The following CCDC154 variants were observed in gnomAD, a reference collection of about 807,000 sequenced individuals.
CCDC154 encodes the protein coiled-coil domain-containing protein 154.
Under a neutral mutation model 87.5 loss-of-function variants are expected in CCDC154, and 91 were observed. That is an observed-to-expected ratio of 1.04 (90% CI 0.88 to 1.24). The LOEUF (loss-of-function observed/expected upper bound fraction) is 1.24. Ranked by LOEUF, CCDC154 falls within the 50% of genes most tolerant of loss-of-function variation. CCDC154 has a pLI of 0.00. For synonymous variants in CCDC154, 418 were observed against 400.4 expected, an observed-to-expected ratio of 1.04 and a Z score of -0.52; for missense variants, 903 against 879.2, an observed-to-expected ratio of 1.03 and a Z score of -0.34.
At chr16:1,435,467 C>T (rs1235324942) in intron 14 of CCDC154, among the ~76,000 whole-genome samples, 1 of 152,184 alleles carries the variant, frequency 6.6e-6, no homozygotes, top group Non-Finnish European at 1.5e-5. Context: ...CTTAGAACTG[C>T]CAGAGGCTGA....
chr16:1,444,040 C>T (rs1463478966), intron 1 of CCDC154, 28 bp from the exon 2 acceptor site: 3 of 1,289,670 alleles, frequency 2.3e-6, no homozygotes, highest in African/African-American at 3.0e-5. Flanking sequence ...GGGAGCTTGC[C>T]CCTTGGGGCC....
chr16:1,436,889 C>G lies in CCDC154; in HGVS notation c.1291-78G>C, dbSNP rs561538198. The stretch of plus-strand genomic sequence containing the variant: ...GATGGAAAGACGGACACGGGGAGCT[C>G]TGGGGAGCAGGCGGCCCCCACCCCC... On this transcript the variant is annotated intron_variant, in intron 11 of 16. Transcript: ENST00000389176. The G allele has an allele frequency of 2.1e-5, 32 of 1,526,450 alleles. No individual in the cohort carries two copies. The African/African-American group carries it at 3.6e-4, about 17-fold the overall frequency. The allele number at this position is 1,526,450 out of a possible 1,614,324, so 94.6% of individuals were successfully genotyped here.
intron 6 of CCDC154, among the ~76,000 whole-genome samples, chr16:1,441,211 G>C (rs1277120265): frequency 6.6e-6 from 1 of 152,220 alleles, no homozygotes; most frequent in Non-Finnish European, 1.5e-5. Flanking sequence ...ACGCCCTCAT[G>C]AGCGGCAGCT....
At chr16:1,439,281 A>G in intron 6 of CCDC154, 155 bp from the exon 7 acceptor site, 1 of 671,066 alleles carries the variant, frequency 1.5e-6, no homozygotes, top group South Asian at 1.9e-5. Flanking sequence ...GCCGGAAGAA[A>G]GCCACGGCGG....
rs1196565936 is a variant in CCDC154 at position 1,438,086 on chromosome 16, C to T, written c.1116G>A (p.Glu372=). Reference sequence around the variant, plus strand: ...CTCCATGCATCTCCTGCCGGGCCAGCTCGCCAGCCAGCTGTGCGGCCTCCA... The same window carrying T: ...CTCCATGCATCTCCTGCCGGGCCAGTTCGCCAGCCAGCTGTGCGGCCTCCA... The part of the protein sequence containing the change: ...ENLEAAQLAG[E]LARQEMHGEL... Residue 372 remains glutamate, a synonymous_variant, in exon 10 of 17, where the codon GAG becomes GAA. Transcript: ENST00000389176. 20 of 1,548,672 alleles carry T rather than the reference C, an allele frequency of 1.3e-5. No individual in the cohort carries two copies. The highest frequency in any genetic ancestry group is 1.7e-4 in the Middle Eastern group (1 of 6,002).
intron 15 of CCDC154, 106 bp downstream of exon 15, chr16:1,434,983 C>T (rs1596202112): frequency 7.0e-7 from 1 of 1,429,306 alleles, no homozygotes; most frequent in Non-Finnish European, 9.4e-7. Flanking sequence ...TGGCCAGACA[C>T]TTGGACAGAC....
intron 6 of CCDC154, among the ~76,000 whole-genome samples, chr16:1,441,478 G>A (rs1252516722): frequency 2.6e-5 from 4 of 152,188 alleles, no homozygotes; most frequent in African/African-American, 7.2e-5. Flanking sequence ...GCAGCTGCCC[G>A]TTCCCTCCCC....
intron 6 of CCDC154, among the ~76,000 whole-genome samples, chr16:1,440,467 G>GGAAGAGAAGAGAAGAGAAGAGAAGA (rs928802346): frequency 6.7e-6 from 1 of 148,558 alleles, no homozygotes; most frequent in African/African-American, 2.5e-5. Context: ...AAAAGAGAAG[G>GGAAGAGAAGAGAAGAGAAGAGAAGA]GAAGAGAAGA....
intron 4 of CCDC154, 109 bp from the exon 5 acceptor site, chr16:1,443,084 G>A (rs2038569639): frequency 2.9e-6 from 4 of 1,394,284 alleles, no homozygotes; most frequent in Non-Finnish European, 3.9e-6. Context: ...GCTTTCCTGG[G>A]CCTCTGAAGG....
Position 1,438,902 on chromosome 16 carries a change from G to A in CCDC154, c.819C>T (p.Gly273=). 8 of 1,549,564 alleles carry A rather than the reference G, an allele frequency of 5.2e-6. No individual in the cohort carries two copies. The highest frequency in any genetic ancestry group is 6.1e-6 in the Non-Finnish European group (7 of 1,146,646). The change falls in exon 8 of 17, where the codon GGC becomes GGT. Residue 273 remains glycine, a synonymous_variant. Coordinates refer to ENST00000389176, the MANE Select transcript of CCDC154 (RefSeq NM_001143980.3). ...GGCTCTCCAGCTCGCCCCGCAGGCT[G>A]CCCTCCAGCTTCAGCCGTGAGCTCT... ...ASESSRLKLE[G]SLRGELESRW... is the part of the protein sequence containing the mutation.
At chr16:1,436,619 A>C in intron 12 of CCDC154, 73 bp downstream of exon 12, 1 of 1,546,578 alleles carries the variant, frequency 6.5e-7, no homozygotes, top group Non-Finnish European at 8.7e-7. Context: ...GGGAGAGGAC[A>C]AGGTGCAGGG....
intron 6 of CCDC154, among the ~76,000 whole-genome samples, chr16:1,440,172 G>A (rs1170733289): frequency 7.1e-6 from 1 of 141,010 alleles, no homozygotes; most frequent in African/African-American, 2.7e-5. Context: ...AAAAATGGCC[G>A]GGCGAGGTGG....
Position 1,443,627 on chromosome 16 carries a change from C to T in CCDC154, c.293G>A (p.Arg98Gln), listed in dbSNP as rs776610240. Reference sequence around the variant, plus strand: ...CTGGAGCAGCTCCCGCAGCAGGCTCCGCGTGGCGCGCTCACAGCGCTGCTT... The same window carrying T: ...CTGGAGCAGCTCCCGCAGCAGGCTCTGCGTGGCGCGCTCACAGCGCTGCTT... ...EHKQRCERAT[R>Q]SLLRELLQVR... Residue 98 changes from arginine (R) to glutamine (Q), a missense_variant, in exon 3 of 17, where the codon CGG (arginine) becomes CAG (glutamine). Transcript: ENST00000389176. 3.2e-5 allele frequency: 45 copies of T among 1,386,216 alleles called. No individual in the cohort carries two copies. Among genetic ancestry groups the T allele is most frequent in the South Asian group, 1.2e-4 (9 of 78,158 alleles). The allele number at this position is 1,386,216 out of a possible 1,614,324, so 85.9% of individuals were successfully genotyped here.
chr16:1,435,740 G>T (rs945850915), intron 14 of CCDC154, among the ~76,000 whole-genome samples: 36 of 152,212 alleles, frequency 2.4e-4, no homozygotes, highest in African/African-American at 8.4e-4. Flanking sequence ...TGGTCAGGCG[G>T]GTCTCAAACT....
rs761169957 is a variant in CCDC154, at chr16:1,439,009, G to A, written c.777+16C>T. 52 of 1,549,970 alleles carry A rather than the reference G, an allele frequency of 3.4e-5. No homozygotes were observed. Among genetic ancestry groups the A allele is most frequent in the Admixed American group, 2.7e-4 (14 of 50,974 alleles). On this transcript the variant is annotated intron_variant, in intron 7 of 16. Coordinates refer to ENST00000389176, the MANE Select transcript of CCDC154 (RefSeq NM_001143980.3). ...GGAAGGGGGGCAGGGCAGGCCAGCC[G>A]CGGGCAGGCTCCCACCTTCTCCAGG...
chr16:1,436,393 C>T (rs2038502056), intron 13 of CCDC154, 52 bp downstream of exon 13: 5 of 1,424,080 alleles, frequency 3.5e-6, no homozygotes, highest in Non-Finnish European at 9.6e-7. Flanking sequence ...CGGCCCAGCC[C>T]AGTAACGGTC....
intron 11 of CCDC154, chr16:1,437,449 A>T: frequency 4.2e-6 from 1 of 236,150 alleles, no homozygotes; most frequent in Non-Finnish European, 8.1e-6. Context: ...GTGCACGTTC[A>T]CGGGTGAACC....
chr16:1,435,194 T>C lies in CCDC154; in HGVS notation c.1606-19A>G. The C allele has an allele frequency of 6.5e-7, 1 of 1,549,392 alleles. No individual in the cohort carries two copies. The highest frequency in any genetic ancestry group is 8.7e-7 in the Non-Finnish European group (1 of 1,145,886). On this transcript the variant is annotated intron_variant, in intron 14 of 16. Coordinates refer to ENST00000389176, the MANE Select transcript of CCDC154 (RefSeq NM_001143980.3). ...TCTGAAACTAAACATGGCCCCCATT[T>C]GGGCACAGACAGGGCCAGTCTGCTG...
At chr16:1,442,770 G>A (rs993714879) in intron 5 of CCDC154, 110 bp downstream of exon 5, 32 of 1,198,074 alleles carry the variant, frequency 2.7e-5, no homozygotes, top group Admixed American at 4.6e-5. Context: ...GCGGTGCCCC[G>A]CCGGGTTACT....
Sources: gnomAD v4.1 joint callset for allele counts (sites outside exome capture counted in the v4.1 genomes callset) on GRCh38, gnomAD v4.1.1 for gene constraint, MANE v1.5 for transcripts, NCBI Gene and HGNC (gene_info 2026-07-23, HGNC 2026-07-21) for gene names.